Variants in SLC5A7 observed in about 807,000 individuals in gnomAD.
The protein encoded by SLC5A7 is high affinity choline transporter 1.
Under a neutral mutation model 55.4 loss-of-function variants are expected in SLC5A7, and 19 were observed. The ratio of observed to expected loss-of-function variants is 0.34; its 90% CI spans 0.24 to 0.50. SLC5A7 has a LOEUF of 0.50. Among genes scored for constraint, SLC5A7 ranks in the 20% least tolerant of loss-of-function variants. SLC5A7 has a pLI of 0.98. For missense variants in SLC5A7, 506 were observed against 705.3 expected (o/e 0.72, Z 3.20); for synonymous variants, 265 against 263.7 (o/e 1.00, Z -0.05).
In SLC5A7 at chr2:108,010,773, C is replaced by A. The variant is rs748431280; in HGVS notation, c.1655C>A (p.Thr552Asn). 8 of 1,613,416 alleles carry A rather than the reference C, an allele frequency of 5.0e-6. No individual in the cohort carries two copies. The African/African-American group carries it at 1.1e-4, about 22-fold the overall frequency. ...CTTGTGAAGCCACGACAGAGCATGA[C>A]CCTCAGCTCAACTTTCACCAATAAA... ...LALVKPRQSM[T>N]LSSTFTNKEA... is the part of the protein sequence containing the mutation. Residue 552 changes from threonine (T) to asparagine (N), a missense_variant, in exon 9 of 9, where the codon ACC becomes AAC. Thr to Asn is a moderately conservative substitution (Grantham distance 65). Transcript: ENST00000264047.
intron 1 of SLC5A7, among the ~76,000 whole-genome samples, chr2:107,987,361 GCAA>G (rs1339472766): frequency 2.6e-5 from 4 of 152,154 alleles, no homozygotes; most frequent in African/African-American, 7.2e-5. Context: ...TAAAACAACA[GCAA>G]CAACAACAAC....
At chr2:107,990,572 C>T (rs956268505) in intron 2 of SLC5A7, among the ~76,000 whole-genome samples, 17 of 151,890 alleles carry the variant, frequency 1.1e-4, no homozygotes, top group African/African-American at 3.6e-4. Flanking sequence ...CAAATAATGC[C>T]ATTTGTTATT....
chr2:108,007,420 G>GA (rs56016714), intron 7 of SLC5A7, among the ~76,000 whole-genome samples: 1 of 149,560 alleles, frequency 6.7e-6, no homozygotes, highest in Non-Finnish European at 1.5e-5. Flanking sequence ...GTTTGTCTCT[G>GA]AAAAAAAAAA....
intron 2 of SLC5A7, among the ~76,000 whole-genome samples, chr2:107,990,760 G>T (rs540116515): frequency 3.3e-5 from 5 of 152,238 alleles, no homozygotes; most frequent in Non-Finnish European, 5.9e-5. Flanking sequence ...CTTTGTATTA[G>T]ATTAAAAGCC....
intron 1 of SLC5A7, 130 bp from the exon 2 acceptor site, chr2:107,987,975 G>A (rs190409793): frequency 1.1e-5 from 5 of 465,646 alleles, no homozygotes; most frequent in Non-Finnish European, 1.9e-5. Context: ...CCCGTTTCAC[G>A]TGTGGTTTCA....
Position 108,010,747 on chromosome 2 carries a change from A to C in SLC5A7, c.1629A>C (p.Ala543=), listed in dbSNP as rs756675245. The C allele has an allele frequency of 1.2e-5, 19 of 1,613,630 alleles. No individual in the cohort carries two copies. The Admixed American group carries it at 3.0e-4, about 26-fold the overall frequency. ...AAAATATTAAATTAGATGAACTTGC[A>C]CTTGTGAAGCCACGACAGAGCATGA... is the stretch of plus-strand genomic sequence containing the variant. ...KNENIKLDEL[A]LVKPRQSMTL... is the part of the protein sequence containing the mutation. The change falls in exon 9 of 9, where the codon GCA becomes GCC. Residue 543 remains alanine, a synonymous_variant. Transcript: ENST00000264047.
intron 4 of SLC5A7, 95 bp from the exon 5 acceptor site, chr2:107,997,743 A>G: frequency 1.6e-6 from 2 of 1,263,392 alleles, no homozygotes; most frequent in Non-Finnish European, 2.1e-6. Flanking sequence ...ACAGAGAGAA[A>G]AATGTTGTTT....
At chr2:108,010,106 T>C in intron 8 of SLC5A7, 126 bp from the exon 9 acceptor site, 2 of 1,199,466 alleles carry the variant, frequency 1.7e-6, no homozygotes, top group East Asian at 2.5e-5. Context: ...GTTTTTCCCA[T>C]AGATTGAGCC....
intron 7 of SLC5A7, 131 bp downstream of exon 7, chr2:108,006,333 G>A (rs1678122002): frequency 2.3e-6 from 2 of 851,194 alleles, no homozygotes. Context: ...CTATAGATTT[G>A]TTATAGCATT....
rs756377938 is a variant in SLC5A7, at chr2:107,988,349, G to A, written c.178+16G>A. ...ACCATGACAGGTACGTTCAGACGCC[G>A]CCGGCTCCATGCAGTCCTCCCTTCC... On this transcript the variant is annotated intron_variant, in intron 2 of 8. Transcript: ENST00000264047. The A allele has an allele frequency of 1.3e-6, 2 of 1,599,076 alleles. No homozygotes were observed. The highest frequency in any genetic ancestry group is 2.2e-5 in the East Asian group (1 of 44,510).
At chr2:108,006,641 G>A (rs1446813595) in intron 7 of SLC5A7, among the ~76,000 whole-genome samples, 1 of 152,136 alleles carries the variant, frequency 6.6e-6, no homozygotes, top group Non-Finnish European at 1.5e-5. Context: ...CAACCAAGGT[G>A]CATGCTGACA....
Position 108,001,997 on chromosome 2 carries a change from A to G in SLC5A7, c.698A>G (p.Asp233Gly), listed in dbSNP as rs1677927626. The change falls in exon 6 of 9, where the codon GAC becomes GGC. Residue 233 changes from aspartate to glycine, a missense_variant. Asp to Gly is a moderately conservative substitution (Grantham distance 94, BLOSUM62 -1). Transcript: ENST00000264047. The stretch of plus-strand genomic sequence containing the variant: ...CAAAAGCCGTGGCTGGGAACTGTTG[A>G]CTCATCTGAAGTCTACTCTTGGCTT... ...KYQKPWLGTVDSSEVYSWLDS... is the reference protein window; with the variant it reads ...KYQKPWLGTVGSSEVYSWLDS... 6.2e-7 allele frequency: 1 copy of G among 1,613,984 alleles called. No homozygotes were observed. Among genetic ancestry groups the G allele is most frequent in the African/African-American group, 1.3e-5 (1 of 74,902 alleles).
intron 6 of SLC5A7, 50 bp from the exon 7 acceptor site, chr2:108,005,999 T>C (rs1355438540): frequency 1.8e-5 from 29 of 1,605,514 alleles, no homozygotes; most frequent in Non-Finnish European, 2.3e-5. Flanking sequence ...TAAAACTCTT[T>C]AAAAAAATGA....
chr2:107,999,422 T>G (rs962891605), intron 5 of SLC5A7, among the ~76,000 whole-genome samples: 1 of 152,206 alleles, frequency 6.6e-6, no homozygotes, highest in Non-Finnish European at 1.5e-5. Context: ...TGATTTCTCA[T>G]TGCTTTGTAT....
At chr2:107,992,901 A>G in intron 3 of SLC5A7, 71 bp from the exon 4 acceptor site, 1 of 1,537,782 alleles carries the variant, frequency 6.5e-7, no homozygotes, top group Non-Finnish European at 8.8e-7. Context: ...TCCTTGATAA[A>G]TGGCAGCATA....
intron 4 of SLC5A7, among the ~76,000 whole-genome samples, chr2:107,997,189 G>A (rs1166735925): frequency 1.3e-5 from 2 of 152,226 alleles, no homozygotes; most frequent in African/African-American, 4.8e-5. Flanking sequence ...CTGCATATAT[G>A]ACAGTGGTCC....
At position 107,993,143 on chromosome 2, in the gene SLC5A7, G is replaced by A. The variant is rs763198903; in HGVS notation, c.448+16G>A. On this transcript the variant is annotated intron_variant, in intron 4 of 8. Transcript: ENST00000264047. ...TCTGCTTTGGGTAAGGACCAGCTAA[G>A]TTGTCTAGCTGCATCTTTGTAGTTA... The A allele has an allele frequency of 2.5e-6, 4 of 1,613,910 alleles. No individual in the cohort carries two copies. Among genetic ancestry groups the A allele is most frequent in the Non-Finnish European group, 2.5e-6 (3 of 1,179,816 alleles).
At chr2:107,996,353 G>A (rs1677670823) in intron 4 of SLC5A7, among the ~76,000 whole-genome samples, 1 of 151,950 alleles carries the variant, frequency 6.6e-6, no homozygotes, top group Admixed American at 6.6e-5. Context: ...TTCTTTTCAA[G>A]GGATCTTTAC....
At chr2:107,995,460 AGAGAGAGAGAGT>A (rs1677631689) in intron 4 of SLC5A7, among the ~76,000 whole-genome samples, 1 of 125,402 alleles carries the variant, frequency 8.0e-6, no homozygotes, top group African/African-American at 2.9e-5. Flanking sequence ...AGAGAGAGAG[AGAGAGAGAGAGT>A]GTGTGTGTGT....
Sources: allele counts gnomAD v4.1 joint callset (sites outside exome capture counted in the v4.1 genomes callset), GRCh38; gene constraint gnomAD v4.1.1; transcripts MANE v1.5; gene names NCBI Gene and HGNC (gene_info 2026-07-23, HGNC 2026-07-21).